The following LRRFIP2 variants were observed in gnomAD, a reference collection of about 807,000 sequenced individuals.
The protein encoded by LRRFIP2 is LRR binding FLII interacting protein 2.
In LRRFIP2, 109 loss-of-function variants were observed where a neutral mutation model predicts 125.9. The observed-to-expected ratio is 0.87, with a 90% CI of 0.74 to 1.01. LRRFIP2 has a LOEUF of 1.01. Among genes scored for constraint, LRRFIP2 ranks in the 50% least tolerant of loss-of-function variants. The pLI is 0.00. For synonymous variants in LRRFIP2, 291 were observed against 293.1 expected (o/e 0.99, Z 0.07); for missense variants, 850 against 862.3 (o/e 0.99, Z 0.18).
At chr3:37,122,601 T>C (rs2095102312) in intron 4 of LRRFIP2, among the ~76,000 whole-genome samples, 1 of 152,226 alleles carries the variant, frequency 6.6e-6, no homozygotes, top group Non-Finnish European at 1.5e-5. Context: ...AATTTTGCAC[T>C]TACTGTAAAG....
intron 1 of LRRFIP2, among the ~76,000 whole-genome samples, chr3:37,155,935 T>C (rs1281268696): frequency 6.6e-6 from 1 of 152,158 alleles, no homozygotes; most frequent in Non-Finnish European, 1.5e-5. Flanking sequence ...AGTGCAATAG[T>C]GCGACCTTGG....
chr3:37,174,080 G>A (rs1306308620), intron 1 of LRRFIP2: 1 of 152,096 alleles, frequency 6.6e-6, no homozygotes, highest in Non-Finnish European at 1.5e-5. Context: ...GGAACACTCT[G>A]AATATAATGG....
Position 37,094,833 on chromosome 3 carries a change from T to C in LRRFIP2, c.994A>G (p.Ser332Gly). The C allele has an allele frequency of 6.2e-7, 1 of 1,613,992 alleles. No homozygotes were observed. Among genetic ancestry groups the C allele is most frequent in the Non-Finnish European group, 8.5e-7 (1 of 1,179,878 alleles). The change falls in exon 17 of 28, where the codon AGC (serine) becomes GGC (glycine). Residue 332 changes from serine to glycine, a missense_variant. By Grantham distance (56) the Ser-to-Gly change is moderately conservative. Coordinates refer to ENST00000336686, the MANE Select transcript of LRRFIP2 (RefSeq NM_006309.4). ...GAAGTGTCTGGATCTATTAAGCTGC[T>C]GGTGTCCCCACTTCCTCGTCTGGAT... ...NSSRRGSGDT[S>G]SLIDPDTSLS...
rs2087683505 is a variant in LRRFIP2, at chr3:37,058,780, T to G, written c.1870+10A>C. On this transcript the variant is annotated intron_variant, in intron 25 of 27. Coordinates refer to ENST00000336686, the MANE Select transcript of LRRFIP2 (RefSeq NM_006309.4). ...TACAGACTGGGACTGGCCTGTCCCCTGGTACCTACTCTGCATTTCGATGAA... is the reference window on the plus strand; with the variant it reads ...TACAGACTGGGACTGGCCTGTCCCCGGGTACCTACTCTGCATTTCGATGAA... The G allele has an allele frequency of 1.2e-6, 2 of 1,613,596 alleles. No individual in the cohort carries two copies. Among genetic ancestry groups the G allele is most frequent in the Admixed American group, 3.3e-5 (2 of 59,974 alleles).
chr3:37,095,757 C>T (rs1320058119), intron 16 of LRRFIP2, among the ~76,000 whole-genome samples: 1 of 152,008 alleles, frequency 6.6e-6, no homozygotes, highest in Non-Finnish European at 1.5e-5. Context: ...CCTCAGCCTC[C>T]CAGACTGAGG....
chr3:37,135,862 C>T (rs1005523992), intron 2 of LRRFIP2, among the ~76,000 whole-genome samples: 6 of 152,114 alleles, frequency 3.9e-5, no homozygotes. Flanking sequence ...TGTAAAATGG[C>T]ACAATTGCTG....
At chr3:37,117,520 A>G (rs956999527) in intron 6 of LRRFIP2, among the ~76,000 whole-genome samples, 2 of 152,176 alleles carry the variant, frequency 1.3e-5, no homozygotes, top group African/African-American at 4.8e-5. Flanking sequence ...CAAAGGAGGT[A>G]AAAGTGAAAA....
At chr3:37,105,333 T>A in intron 14 of LRRFIP2, 122 bp downstream of exon 14, 1 of 772,722 alleles carries the variant, frequency 1.3e-6, no homozygotes, top group South Asian at 1.6e-5. Flanking sequence ...TTTATATAAC[T>A]AAATTTGAGG....
chr3:37,132,662 C>G (rs2095457345), intron 2 of LRRFIP2, among the ~76,000 whole-genome samples: 1 of 152,170 alleles, frequency 6.6e-6, no homozygotes, highest in Admixed American at 6.5e-5. Context: ...CTTGAAGCAA[C>G]ATGGATAAGC....
chr3:37,144,523 T>C (rs1026207521), intron 2 of LRRFIP2, among the ~76,000 whole-genome samples: 14 of 152,264 alleles, frequency 9.2e-5, no homozygotes, highest in African/African-American at 3.4e-4. Context: ...GAGAATCACT[T>C]GAGCCTTGGA....
At chr3:37,078,650 A>G (rs2092349119) in intron 19 of LRRFIP2, among the ~76,000 whole-genome samples, 1 of 152,218 alleles carries the variant, frequency 6.6e-6, no homozygotes, top group African/African-American at 2.4e-5. Flanking sequence ...TCCCAAATTT[A>G]TCCACTGAAA....
At chr3:37,055,193 C>A (rs749369885) in intron 25 of LRRFIP2, 28 bp from the exon 26 acceptor site, 2 of 1,385,614 alleles carry the variant, frequency 1.4e-6, no homozygotes, top group African/African-American at 2.9e-5. Context: ...AATGAATTAT[C>A]TTCACCTGTC....
At chr3:37,133,517 AT>A (rs1210184275) in intron 2 of LRRFIP2, among the ~76,000 whole-genome samples, 1 of 152,238 alleles carries the variant, frequency 6.6e-6, no homozygotes, top group Non-Finnish European at 1.5e-5. Flanking sequence ...TCTTGAAGAC[AT>A]TATACTAAAT....
intron 4 of LRRFIP2, among the ~76,000 whole-genome samples, chr3:37,126,613 C>A (rs2095282889): frequency 6.6e-6 from 1 of 151,348 alleles, no homozygotes; most frequent in Admixed American, 6.6e-5. Flanking sequence ...AATCCCAGCA[C>A]TTTGAGAGGC....
chr3:37,089,803 G>A (rs577399224), intron 18 of LRRFIP2, among the ~76,000 whole-genome samples: 3 of 152,248 alleles, frequency 2.0e-5, no homozygotes, highest in East Asian at 3.9e-4. Context: ...TTAATGTACC[G>A]ATTTGTTTGA....
At chr3:37,091,786 T>C (rs1428328900) in intron 17 of LRRFIP2, among the ~76,000 whole-genome samples, 2 of 152,160 alleles carry the variant, frequency 1.3e-5, no homozygotes, top group Admixed American at 1.3e-4. Flanking sequence ...TAAATTCTGT[T>C]AATAACAGTG....
chr3:37,098,150 A>G (rs963365139), intron 15 of LRRFIP2, among the ~76,000 whole-genome samples: 1 of 152,156 alleles, frequency 6.6e-6, no homozygotes, highest in East Asian at 1.9e-4. Flanking sequence ...TATAAACACT[A>G]TTTTTAGACA....
chr3:37,147,950 G>T (rs2095900058), intron 2 of LRRFIP2, among the ~76,000 whole-genome samples: 2 of 152,174 alleles, frequency 1.3e-5, no homozygotes, highest in East Asian at 1.9e-4. Context: ...AATTGCCCCA[G>T]AAGTTCTGTT....
intron 23 of LRRFIP2, 150 bp downstream of exon 23, chr3:37,065,660 A>C (rs2089984466): frequency 2.2e-6 from 2 of 924,012 alleles, no homozygotes; most frequent in South Asian, 1.4e-5. Context: ...GTCTGAAGAC[A>C]ATGTGCCAAT....
Sources: allele counts gnomAD v4.1 joint callset (sites outside exome capture counted in the v4.1 genomes callset), GRCh38; gene constraint gnomAD v4.1.1; transcripts MANE v1.5; gene names NCBI Gene and HGNC (gene_info 2026-07-23, HGNC 2026-07-21).